DYNC1I1: variants seen among roughly 807,000 people sequenced by gnomAD.
The protein encoded by DYNC1I1 is dynein cytoplasmic 1 intermediate chain 1.
Under a neutral mutation model 86.6 loss-of-function variants are expected in DYNC1I1, and 43 were observed. The ratio of observed to expected loss-of-function variants is 0.50; its 90% confidence interval spans 0.39 to 0.64. The LOEUF is 0.64. DYNC1I1 is among the 30% of genes least tolerant of loss of function. The probability of loss-of-function intolerance (pLI) is 0.00; values close to 1 mark genes in which losing one functional copy is unlikely to be tolerated. For synonymous variants in DYNC1I1, 262 were observed against 283.7 expected, an observed-to-expected ratio of 0.92 and a Z score of 0.77; for missense variants, 604 against 788.8, an observed-to-expected ratio of 0.77 and a Z score of 2.81.
chr7:96,035,626 T>C lies in DYNC1I1; in HGVS notation c.1238T>C (p.Met413Thr). Reference sequence around the variant, plus strand: ...CACACCGTGTTTTGGTAGGAGAGCATGGAGCTGGTGTACAATAAGTCCAAG... The same window carrying C: ...CACACCGTGTTTTGGTAGGAGAGCACGGAGCTGGTGTACAATAAGTCCAAG... ...LDMLSTPQESMELVYNKSKPV... is the reference protein window; with the variant it reads ...LDMLSTPQESTELVYNKSKPV... Residue 413 changes from methionine to threonine, a missense_variant, in exon 13 of 17, where the codon ATG becomes ACG. Physicochemically the swap from Met to Thr is moderately conservative, Grantham distance 81. Coordinates refer to ENST00000447467, the MANE Select transcript of DYNC1I1 (RefSeq NM_001135556.2). 5.0e-6 allele frequency: 8 copies of C among 1,587,052 alleles called. No individual in the cohort carries two copies. The highest frequency in any genetic ancestry group is 6.8e-6 in the Non-Finnish European group (8 of 1,169,762).
chr7:95,919,610 T>A (rs1791560434), intron 6 of DYNC1I1, among the ~76,000 whole-genome samples: 1 of 152,230 alleles, frequency 6.6e-6, no homozygotes, highest in Non-Finnish European at 1.5e-5. Context: ...AACATTTTAT[T>A]GTCCACCAAC....
Position 95,881,207 on chromosome 7 carries a change from G to A in DYNC1I1, c.490+11209G>A, listed in dbSNP as rs74796398. Among the ~76,000 whole-genome samples, 1,038 of 152,252 alleles carry A rather than the reference G, an allele frequency of 6.8e-3. 20 individuals are homozygous for A. The highest frequency in any genetic ancestry group is 0.023 in the African/African-American group (951 of 41,542). ...AGAAGTGGATTACAGGGTCAGAGTG[G>A]AAGCAGCAATAAAGTCACCTTGATG... On this transcript the variant is annotated intron_variant, in intron 6 of 16. Coordinates refer to ENST00000447467, the MANE Select transcript of DYNC1I1 (RefSeq NM_001135556.2).
chr7:95,846,603 A>G (rs1283677718), intron 5 of DYNC1I1, among the ~76,000 whole-genome samples: 2 of 147,462 alleles, frequency 1.4e-5, no homozygotes, highest in African/African-American at 5.0e-5. Context: ...ACCCATTCTG[A>G]ACATAAATGA....
chr7:95,893,585 G>A (rs879698214), intron 6 of DYNC1I1, among the ~76,000 whole-genome samples: 12 of 152,136 alleles, frequency 7.9e-5, no homozygotes, highest in Non-Finnish European at 1.8e-4. Context: ...CTGAGAACAT[G>A]TGCCTTACTC....
At chr7:95,963,083 G>A (rs533288609) in intron 6 of DYNC1I1, among the ~76,000 whole-genome samples, 1 of 152,144 alleles carries the variant, frequency 6.6e-6, no homozygotes, top group South Asian at 2.1e-4. Flanking sequence ...ATTTGTACAT[G>A]CTTCTTTCTC....
At position 96,063,212 on chromosome 7, in the gene DYNC1I1, A is replaced by G. The variant is rs564146649; in HGVS notation, c.1510-12845A>G. Among the ~76,000 whole-genome samples, 65 of 151,878 alleles carry G rather than the reference A, an allele frequency of 4.3e-4. 1 individual carries two copies. In the South Asian group the frequency reaches 0.014, roughly 32 times the overall value. On this transcript the variant is annotated intron_variant, in intron 14 of 16. Transcript: ENST00000447467. ...TATAGCTGATGGTTGAGCCGTAGTCATTGATTGCAAAGGGATGTGTTTAGG... is the reference window on the plus strand; with the variant it reads ...TATAGCTGATGGTTGAGCCGTAGTCGTTGATTGCAAAGGGATGTGTTTAGG...
intron 10 of DYNC1I1, among the ~76,000 whole-genome samples, chr7:96,006,006 G>T (rs538737024): frequency 8.5e-5 from 13 of 152,308 alleles, no homozygotes; most frequent in African/African-American, 2.9e-4. Flanking sequence ...AAGGACACAT[G>T]TGCGTGAAGA....
chr7:95,919,144 T>G (rs936618335), intron 6 of DYNC1I1, among the ~76,000 whole-genome samples: 43 of 152,206 alleles, frequency 2.8e-4, no homozygotes, highest in African/African-American at 1.0e-3. Flanking sequence ...TATATTCATA[T>G]AAGGCTATGC....
At chr7:96,080,807 C>T (rs1183302720) in intron 16 of DYNC1I1, among the ~76,000 whole-genome samples, 1 of 152,088 alleles carries the variant, frequency 6.6e-6, no homozygotes, top group Non-Finnish European at 1.5e-5. Flanking sequence ...TGCGGTGCCT[C>T]ACGCCTGTAA....
At chr7:95,845,684 T>A (rs190283601) in intron 5 of DYNC1I1, among the ~76,000 whole-genome samples, 2 of 152,320 alleles carry the variant, frequency 1.3e-5, no homozygotes, top group East Asian at 3.9e-4. Context: ...TGTATGTGTA[T>A]CAAAATGTAG....
At chr7:96,036,621 G>A (rs1794933446) in intron 13 of DYNC1I1, among the ~76,000 whole-genome samples, 1 of 152,072 alleles carries the variant, frequency 6.6e-6, no homozygotes, top group African/African-American at 2.4e-5. Context: ...CTAGGACATA[G>A]TAAGTGAGGA....
intron 6 of DYNC1I1, among the ~76,000 whole-genome samples, chr7:95,944,991 T>G (rs1050324664): frequency 2.6e-5 from 4 of 151,284 alleles, no homozygotes; most frequent in African/African-American, 9.7e-5. Context: ...ACCTGCACAT[T>G]GTGCACATGT....
intron 16 of DYNC1I1, among the ~76,000 whole-genome samples, chr7:96,083,903 A>T (rs1790597182): frequency 6.6e-6 from 1 of 152,210 alleles, no homozygotes; most frequent in South Asian, 2.1e-4. Context: ...ATGCTCTTAG[A>T]TAAGCTTTGT....
At chr7:95,778,103 A>G (rs1268723181) in intron 1 of DYNC1I1, among the ~76,000 whole-genome samples, 3 of 152,212 alleles carry the variant, frequency 2.0e-5, no homozygotes, top group African/African-American at 7.2e-5. Context: ...ATGTTTTTAT[A>G]TCTTGCAGTT....
At chr7:95,806,342 T>A (rs991017658) in intron 2 of DYNC1I1, among the ~76,000 whole-genome samples, 2 of 152,212 alleles carry the variant, frequency 1.3e-5, no homozygotes, top group Non-Finnish European at 2.9e-5. Flanking sequence ...GTCTGCTTCA[T>A]CTTTTTCATT....
In DYNC1I1 at chr7:96,097,556, A is replaced by G; in HGVS notation, c.1850A>G (p.Asp617Gly). 6.2e-7 allele frequency: 1 copy of G among 1,613,834 alleles called. No homozygotes were observed. The highest frequency in any genetic ancestry group is 8.5e-7 in the Non-Finnish European group (1 of 1,179,784). ...GTGGAAATTCGTGCTAACAGAGCTG[A>G]TAGCGAGGAGGAAGGCACTGTTGAG... The part of the protein sequence containing the change: ...TLVEIRANRA[D>G]SEEEGTVELS... The change falls in exon 17 of 17, where the codon GAT becomes GGT. Residue 617 changes from aspartate (D) to glycine (G), a missense_variant. Physicochemically the swap from Asp to Gly is moderately conservative, Grantham distance 94. Transcript: ENST00000447467.
chr7:95,818,765 G>A, intron 4 of DYNC1I1: 1 of 390,864 alleles, frequency 2.6e-6, no homozygotes, highest in Non-Finnish European at 4.5e-6. Flanking sequence ...AGCACTCTTA[G>A]CACCTTAGTG....
intron 6 of DYNC1I1, among the ~76,000 whole-genome samples, chr7:95,901,461 G>T (rs1177200851): frequency 6.6e-6 from 1 of 152,206 alleles, no homozygotes; most frequent in African/African-American, 2.4e-5. Flanking sequence ...TCAGACTGAA[G>T]CAGGGTGTAC....
At chr7:95,920,550 A>G (rs983451326) in intron 6 of DYNC1I1, among the ~76,000 whole-genome samples, 1 of 152,212 alleles carries the variant, frequency 6.6e-6, no homozygotes, top group Non-Finnish European at 1.5e-5. Context: ...AACAATAGGG[A>G]AAACTGGGTG....
Sources: gnomAD v4.1 joint callset for allele counts (sites outside exome capture counted in the v4.1 genomes callset) on GRCh38, gnomAD v4.1.1 for gene constraint, MANE v1.5 for transcripts, NCBI Gene and HGNC (gene_info 2026-07-23, HGNC 2026-07-21) for gene names.